ZNF768: variants seen among roughly 807,000 people sequenced by gnomAD.
The protein encoded by ZNF768 is zinc finger protein 768.
In ZNF768, 12 loss-of-function variants were observed where a neutral mutation model predicts 39.7. That is an observed-to-expected ratio of 0.30 (90% CI 0.19 to 0.49). The LOEUF (loss-of-function observed/expected upper bound fraction) is 0.49, where lower values mean the gene tolerates loss of function less well. Among genes scored for constraint, ZNF768 ranks in the 20% least tolerant of loss-of-function variants. ZNF768 has a pLI of 0.99. For missense variants in ZNF768, 613 were observed against 723.2 expected (o/e 0.85, Z 1.75); for synonymous variants, 360 against 288.4 (o/e 1.25, Z -2.52).
At chr16:30,529,270 C>T (rs540354607), upstream of ZNF768, among the ~76,000 whole-genome samples, 1 of 152,260 alleles carries the variant, frequency 6.6e-6, no homozygotes, top group Non-Finnish European at 1.5e-5. Flanking sequence ...GGGGAGTCCA[C>T]TGGCATTGTC....
chr16:30,529,690 G>A (rs1236886606), upstream of ZNF768, among the ~76,000 whole-genome samples: 1 of 152,116 alleles, frequency 6.6e-6, no homozygotes, highest in Admixed American at 6.5e-5. Context: ...CACTACTCTT[G>A]CAAAACTAAG....
Position 30,525,666 on chromosome 16 carries a change from G to A in ZNF768, c.474C>T (p.Thr158=), listed in dbSNP as rs1441407287. The change falls in exon 2 of 2, where the codon ACC becomes ACT. Residue 158 remains threonine (T), a synonymous_variant. Transcript: ENST00000380412. ...TTTGAGCTTCAAATTCTGGGCTTTG[G>A]GTTTTGAGCTCAGTGTTCTGGGATT... ...RYESQNTELK[T]QSPEFEAQSS... is the part of the protein sequence containing the mutation. 3.7e-6 allele frequency: 6 copies of A among 1,614,090 alleles called. No individual in the cohort carries two copies. In the East Asian group the frequency reaches 6.7e-5, roughly 18 times the overall value.
At position 30,525,287 on chromosome 16, in the gene ZNF768, C is replaced by T. The variant is rs1336841302; in HGVS notation, c.853G>A (p.Gly285Ser). 2 of 1,614,096 alleles carry T rather than the reference C, an allele frequency of 1.2e-6. No individual in the cohort carries two copies. The highest frequency in any genetic ancestry group is 1.1e-5 in the South Asian group (1 of 91,090). The change falls in exon 2 of 2, where the codon GGT (glycine) becomes AGT (serine). Residue 285 changes from glycine to serine, a missense_variant. Gly to Ser is a moderately conservative substitution (Grantham distance 56, BLOSUM62 0). Transcript: ENST00000380412. ...ACCTCACATTTGTAGGGCTTCTCAC[C>T]GGTGTGGATGCGCTGGTGCTGGATC... Reference protein sequence around the residue: ...TLIQHQRIHTGEKPYKCEVCS... With the variant: ...TLIQHQRIHTSEKPYKCEVCS...
rs2051319891 is a variant in ZNF768 at position 30,526,045 on chromosome 16, A to C, written c.95T>G (p.Met32Arg). The change falls in exon 2 of 2, where the codon ATG becomes AGG. Residue 32 changes from methionine (M) to arginine (R), a missense_variant. By Grantham distance (91) the Met-to-Arg change is moderately conservative (BLOSUM62 -1). Coordinates refer to ENST00000380412, the MANE Select transcript of ZNF768 (RefSeq NM_024671.4). ...AATTTCCTCTTCCTCATTCTCACTC[A>C]TGTTGCCTGCAGGATGAGAGAATCC... ...RSPEGYLRGN[M>R]SENEEEEISQ... 1 of 1,496,386 alleles carries C rather than the reference A, an allele frequency of 6.7e-7. No individual in the cohort carries two copies. The allele number at this position is 1,496,386 out of a possible 1,614,324, so 92.7% of individuals were successfully genotyped here. A position where few individuals can be genotyped will look rare whatever the true frequency, so the allele number is the denominator to read the frequency against.
chr16:30,525,214 C>T lies in ZNF768; in HGVS notation c.926G>A (p.Arg309His). 2.5e-6 allele frequency: 4 copies of T among 1,614,214 alleles called. No homozygotes were observed. The highest frequency in any genetic ancestry group is 3.4e-6 in the Non-Finnish European group (4 of 1,180,032). ...GTAGGGCCGCTCGCCAGTGTGGGTG[C>T]GCTGGTGTTTGATGAGGTCAGAGCT... ...SQSSDLIKHQRTHTGERPYKC... is the reference protein window; with the variant it reads ...SQSSDLIKHQHTHTGERPYKC... Residue 309 changes from arginine (R) to histidine (H), a missense_variant, in exon 2 of 2, where the codon CGC becomes CAC. Physicochemically the swap from Arg to His is conservative, Grantham distance 29. This residue lies in a region of ZNF768 where 22 missense variants were observed against 63.4 expected (regional missense o/e 0.35). Coordinates refer to ENST00000380412, the MANE Select transcript of ZNF768 (RefSeq NM_024671.4).
the ZNF768 span, chr16:30,532,381 A>C: frequency 5.0e-6 from 6 of 1,194,958 alleles, no homozygotes; most frequent in Admixed American, 4.2e-5. Flanking sequence ...GACTGTCCGC[A>C]CCCCAGGCCA....
chr16:30,526,286 G>A, intron 1 of ZNF768, 40 bp downstream of exon 1: 2 of 1,605,710 alleles, frequency 1.2e-6, no homozygotes, highest in Non-Finnish European at 1.7e-6. Flanking sequence ...CCCTTCTCCT[G>A]CGCGCAAGTC....
upstream of ZNF768, among the ~76,000 whole-genome samples, chr16:30,529,444 C>A (rs1824765266): frequency 6.6e-6 from 1 of 152,238 alleles, no homozygotes; most frequent in African/African-American, 2.4e-5. Flanking sequence ...GGCCAGAGAG[C>A]CTTCACAGAC....
chr16:30,524,419 T>C lies in ZNF768; in HGVS notation c.*98A>G. 6.7e-7 allele frequency: 1 copy of C among 1,488,126 alleles called. No individual in the cohort carries two copies. The highest frequency in any genetic ancestry group is 8.9e-7 in the Non-Finnish European group (1 of 1,125,838). 92.2% of individuals were successfully genotyped at this position (1,488,126 alleles called of 1,614,324 possible). On this transcript the variant is annotated 3_prime_UTR_variant, in exon 2 of 2. Transcript: ENST00000380412. ...TCTTCCAGCATCCTCAGCTCCTCCA[T>C]TCTCCTGCGGCTTCTCCACTATCCT...
Position 30,525,033 on chromosome 16 carries a change from G to C in ZNF768, c.1107C>G (p.His369Gln). The change falls in exon 2 of 2, where the codon CAC (histidine) becomes CAG (glutamine). Residue 369 changes from histidine (H) to glutamine (Q), a missense_variant. By Grantham distance (24) the His-to-Gln change is conservative (BLOSUM62 0). Around this residue, in one of 4 missense-constraint regions of ZNF768, gnomAD observed 204 missense variants for 281.7 expected, o/e 0.72. Coordinates refer to ENST00000380412, the MANE Select transcript of ZNF768 (RefSeq NM_024671.4). ...ACTCGGTGCAGCTGTAGGGCCGCTC[G>C]TGGCTGTGGGTGCGCTGGTGTCGCA... ...YLLRHQRTHS[H>Q]ERPYSCTECG... 1.2e-6 allele frequency: 2 copies of C among 1,614,166 alleles called. No homozygotes were observed. Among genetic ancestry groups the C allele is most frequent in the Non-Finnish European group, 8.5e-7 (1 of 1,180,022 alleles).
At chr16:30,528,733 C>A (rs548410035), upstream of ZNF768, among the ~76,000 whole-genome samples, 2 of 152,252 alleles carry the variant, frequency 1.3e-5, no homozygotes, top group African/African-American at 4.8e-5. Flanking sequence ...CACTAGAGCC[C>A]ACAGTCAAAC....
chr16:30,524,449 A>G lies in ZNF768; in HGVS notation c.*68T>C, dbSNP rs1413230939. On this transcript the variant is annotated 3_prime_UTR_variant, in exon 2 of 2. Transcript: ENST00000380412. ...CTGCGGCTTCTCCACTATCCTCCCT[A>G]AAGGTTCCTCTAGCTCCCTGGCCCC... 34 of 1,532,046 alleles carry G rather than the reference A, an allele frequency of 2.2e-5. No individual in the cohort carries two copies. Among genetic ancestry groups the G allele is most frequent in the Non-Finnish European group, 2.9e-5 (33 of 1,149,064 alleles). 94.9% of individuals were successfully genotyped at this position (1,532,046 alleles called of 1,614,324 possible).
chr16:30,525,643 T>G lies in ZNF768; in HGVS notation c.497A>C (p.Gln166Pro), dbSNP rs1255704736. 1 of 1,614,264 alleles carries G rather than the reference T, an allele frequency of 6.2e-7. No homozygotes were observed. The highest frequency in any genetic ancestry group is 8.5e-7 in the Non-Finnish European group (1 of 1,180,040). The change falls in exon 2 of 2, where the codon CAA becomes CCA. Residue 166 changes from glutamine to proline, a missense_variant. This residue lies in a region of ZNF768 where 347 missense variants were observed against 326.1 expected (regional missense o/e 1.06). Transcript: ENST00000380412. Reference protein sequence around the residue: ...LKTQSPEFEAQSSKFQEGAEM... With the variant: ...LKTQSPEFEAPSSKFQEGAEM... Reference sequence around the variant, plus strand: ...CGCACCTTCCTGGAATTTGGAACTTTGAGCTTCAAATTCTGGGCTTTGGGT... The same window carrying G: ...CGCACCTTCCTGGAATTTGGAACTTGGAGCTTCAAATTCTGGGCTTTGGGT...
At chr16:30,526,259 C>T in intron 1 of ZNF768, 67 bp downstream of exon 1, 2 of 1,594,858 alleles carry the variant, frequency 1.3e-6, no homozygotes, top group Admixed American at 1.7e-5. Flanking sequence ...CCCTCGCTCC[C>T]TCCCTGGAGC....
rs1260683028 is a variant in ZNF768, at chr16:30,524,505, TG to T, written c.*11del. 1.3e-6 allele frequency: 2 copies of T among 1,599,266 alleles called. No homozygotes were observed. Among genetic ancestry groups the T allele is most frequent in the South Asian group, 2.2e-5 (2 of 89,932 alleles). The stretch of plus-strand genomic sequence containing the variant: ...TTCTGCCCACACCTCCCACCCCTGC[TG>T]GGGCCCCAGGTCAGCGCCGGCCCGC... On this transcript the variant is annotated 3_prime_UTR_variant, in exon 2 of 2. Coordinates refer to ENST00000380412, the MANE Select transcript of ZNF768 (RefSeq NM_024671.4).
Position 30,526,516 on chromosome 16 carries a change from G to C in ZNF768, c.-103C>G. On this transcript the variant is annotated 5_prime_UTR_variant, in exon 1 of 2. Coordinates refer to ENST00000380412, the MANE Select transcript of ZNF768 (RefSeq NM_024671.4). ...GGCCCCCGCCTCCCGCCCGCTCAGC[G>C]CCGCCCAGGGGACTCGGCGGCCCAG... 8.5e-7 allele frequency: 1 copy of C among 1,175,554 alleles called. No homozygotes were observed. Among genetic ancestry groups the C allele is most frequent in the Non-Finnish European group, 1.1e-6 (1 of 952,032 alleles). 72.8% of individuals were successfully genotyped at this position (1,175,554 alleles called of 1,614,324 possible).
At chr16:30,531,212 T>C (rs2051368935), upstream of ZNF768, 1 of 152,264 alleles carries the variant, frequency 6.6e-6, no homozygotes. Flanking sequence ...TGGCTACTCA[T>C]GCTTGGTCAG....
chr16:30,525,407 G>T lies in ZNF768; in HGVS notation c.733C>A (p.Pro245Thr). ...PLGLTGALRG[P>T]GRRGGRARGG... ...CTGGCCCGGCCACCCCGCCGACCTGGACCTCGAAGGGCTCCTGTGAGACCC... is the reference window on the plus strand; with the variant it reads ...CTGGCCCGGCCACCCCGCCGACCTGTACCTCGAAGGGCTCCTGTGAGACCC... Residue 245 changes from proline (P) to threonine (T), a missense_variant, in exon 2 of 2, where the codon CCA becomes ACA. This residue lies in a region of ZNF768 where 347 missense variants were observed against 326.1 expected (regional missense o/e 1.06). Coordinates refer to ENST00000380412, the MANE Select transcript of ZNF768 (RefSeq NM_024671.4). 1 of 1,614,144 alleles carries T rather than the reference G, an allele frequency of 6.2e-7. No homozygotes were observed. The highest frequency in any genetic ancestry group is 8.5e-7 in the Non-Finnish European group (1 of 1,180,042).
upstream of ZNF768, chr16:30,526,846 G>A: frequency 1.2e-6 from 1 of 814,294 alleles, no homozygotes; most frequent in South Asian, 5.9e-5. Flanking sequence ...AGGTCCCCCC[G>A]CCGGCTCGCG....
Sources: gnomAD v4.1 joint callset for allele counts (sites outside exome capture counted in the v4.1 genomes callset) on GRCh38, gnomAD v4.1.1 for gene constraint, gnomAD v4.1.1 regional missense constraint, MANE v1.5 for transcripts, NCBI Gene and HGNC (gene_info 2026-07-23, HGNC 2026-07-21) for gene names.